FCRL3: variants seen among roughly 807,000 people sequenced by gnomAD.
FCRL3 encodes Fc receptor-like protein 3.
In FCRL3, 89 loss-of-function variants were observed where a neutral mutation model predicts 75.0. The ratio of observed to expected loss-of-function variants is 1.19; its 90% CI spans 1.00 to 1.42. The LOEUF (loss-of-function observed/expected upper bound fraction) is 1.42. Ranked by LOEUF, FCRL3 falls within the 40% of genes most tolerant of loss-of-function variation. FCRL3 has a pLI of 0.00. For synonymous variants in FCRL3, 376 were observed against 348.5 expected, an observed-to-expected ratio of 1.08 and a Z score of -0.88; for missense variants, 946 against 880.0, an observed-to-expected ratio of 1.07 and a Z score of -0.95.
chr1:157,698,028 C>CCCCA, intron 4 of FCRL3, 109 bp from the exon 5 acceptor site: 6 of 1,277,086 alleles, frequency 4.7e-6, no homozygotes, highest in Non-Finnish European at 6.4e-6. Flanking sequence ...CTGCAAATGG[C>CCCCA]CCCCACCCAC....
chr1:157,685,143 C>T (rs537776131), intron 10 of FCRL3, among the ~76,000 whole-genome samples: 226 of 151,796 alleles, frequency 1.5e-3, no homozygotes, highest in African/African-American at 4.8e-3. Context: ...GACTGACAAC[C>T]TCAACACTGA....
In FCRL3 at chr1:157,697,384, C is replaced by A. The variant is rs202180859; in HGVS notation, c.600G>T (p.Thr200=). 1.9e-6 allele frequency: 3 copies of A among 1,566,286 alleles called. No individual in the cohort carries two copies. The highest frequency in any genetic ancestry group is 2.7e-5 in the African/African-American group (2 of 72,872). The change falls in exon 6 of 15, where the codon ACG becomes ACT. Residue 200 remains threonine, a synonymous_variant. Transcript: ENST00000368184. ...LHPVLRASSS[T]PIEGSPMTLT... Reference sequence around the variant, plus strand: ...GGGTCATGGGACTCCCCTCTATGGGCGTGGAAGAGCTGGCTCTCAGCACAG... The same window carrying A: ...GGGTCATGGGACTCCCCTCTATGGGAGTGGAAGAGCTGGCTCTCAGCACAG...
At chr1:157,697,990 G>A (rs1421533706) in intron 4 of FCRL3, 71 bp from the exon 5 acceptor site, 3 of 1,533,736 alleles carry the variant, frequency 2.0e-6, no homozygotes, top group East Asian at 2.4e-5. Flanking sequence ...TTCCACCCAT[G>A]AGGCAAGAGC....
chr1:157,681,082 C>T lies in FCRL3; in HGVS notation c.1856G>A (p.Cys619Tyr), dbSNP rs202002184. ...TGTSSHSPSE[C>Y]QEPSSSRPSR... is the part of the protein sequence containing the mutation. Reference sequence around the variant, plus strand: ...AGGCCTGGACGAGGAAGGCTCCTGACACTCACTAGGACTGTGACTGTGACA... The same window carrying T: ...AGGCCTGGACGAGGAAGGCTCCTGATACTCACTAGGACTGTGACTGTGACA... Residue 619 changes from cysteine (C) to tyrosine (Y), a missense_variant, in exon 12 of 15, where the codon TGT becomes TAT. Coordinates refer to ENST00000368184, the MANE Select transcript of FCRL3 (RefSeq NM_052939.4). 156 of 1,595,628 alleles carry T rather than the reference C, an allele frequency of 9.8e-5. No homozygotes were observed. The highest frequency in any genetic ancestry group is 1.3e-4 in the Non-Finnish European group (153 of 1,173,848).
intron 8 of FCRL3, among the ~76,000 whole-genome samples, chr1:157,690,744 T>G (rs1360083132): frequency 2.0e-5 from 3 of 152,316 alleles, no homozygotes; most frequent in Middle Eastern, 3.4e-3. Flanking sequence ...TTTATTCCTC[T>G]GTAAAACTGA....
rs1313568503 is a variant in FCRL3 at position 157,677,903 on chromosome 1, A to G, written c.*807T>C. On this transcript the variant is annotated 3_prime_UTR_variant, in exon 15 of 15. Transcript: ENST00000368184. ...AGATGGAGTGAGGTAGAGGAAGAGA[A>G]TGGGAGAAGCCACATAGATATAGTA... is the stretch of plus-strand genomic sequence containing the variant. 6.3e-6 allele frequency: 6 copies of G among 953,208 alleles called. No homozygotes were observed. In the African/African-American group the frequency reaches 8.9e-5, roughly 14 times the overall value. 59.0% of individuals were successfully genotyped at this position (953,208 alleles called of 1,614,324 possible).
rs1434999950 is a variant in FCRL3, at chr1:157,677,853, A to G, written c.*857T>C. 2 of 677,818 alleles carry G rather than the reference A, an allele frequency of 3.0e-6. No homozygotes were observed. The highest frequency in any genetic ancestry group is 1.4e-4 in the East Asian group (1 of 7,388). The allele number at this position is 677,818 out of a possible 1,614,324, so 42.0% of individuals were successfully genotyped here. A position where few individuals can be genotyped will look rare whatever the true frequency, so the allele number is the denominator to read the frequency against. On this transcript the variant is annotated 3_prime_UTR_variant, in exon 15 of 15. Coordinates refer to ENST00000368184, the MANE Select transcript of FCRL3 (RefSeq NM_052939.4). Reference sequence around the variant, plus strand: ...ATAGGAGAGCATGGGAATAATGAACATGAGATTTAGAATGGTTTTTTATCA... The same window carrying G: ...ATAGGAGAGCATGGGAATAATGAACGTGAGATTTAGAATGGTTTTTTATCA...
chr1:157,696,371 A>G (rs747096549), intron 6 of FCRL3, 44 bp from the exon 7 acceptor site: 8 of 1,601,942 alleles, frequency 5.0e-6, no homozygotes, highest in Non-Finnish European at 5.1e-6. Context: ...GATGGCAGGG[A>G]CATCAAGGTC....
At chr1:157,683,332 T>G (rs898789291) in intron 10 of FCRL3, 88 bp from the exon 11 acceptor site, 1 of 1,499,210 alleles carries the variant, frequency 6.7e-7, no homozygotes, top group African/African-American at 1.4e-5. Flanking sequence ...AGAAATCAGA[T>G]TCATTCTAGA....
At position 157,689,921 on chromosome 1, in the gene FCRL3, A is replaced by G. The variant is rs1350109762; in HGVS notation, c.1691-4T>C. 1 of 1,613,930 alleles carries G rather than the reference A, an allele frequency of 6.2e-7. No homozygotes were observed. Among genetic ancestry groups the G allele is most frequent in the Non-Finnish European group, 8.5e-7 (1 of 1,179,980 alleles). ...CCTGTTCTGTTCCTGGAAGTTCCTGAGTGGAGGGAGCTGTACTTGAGTTTC... is the reference window on the plus strand; with the variant it reads ...CCTGTTCTGTTCCTGGAAGTTCCTGGGTGGAGGGAGCTGTACTTGAGTTTC... On this transcript the variant is annotated splice_region_variant and splice_polypyrimidine_tract_variant and intron_variant, in intron 9 of 14. Transcript: ENST00000368184.
At chr1:157,679,318 G>A in intron 13 of FCRL3, 1 of 338,056 alleles carries the variant, frequency 3.0e-6, no homozygotes, top group Non-Finnish European at 5.6e-6. Context: ...TAACCCCAGA[G>A]GGGCACCCAC....
In FCRL3 at chr1:157,678,933, G is replaced by A. The variant is rs1654636338; in HGVS notation, c.2058+9C>T. On this transcript the variant is annotated intron_variant, in intron 14 of 14. Transcript: ENST00000368184. The stretch of plus-strand genomic sequence containing the variant: ...CAGAGAGGAAAGAAAGCCAAGAAAT[G>A]TGACTCACCTCATGCTCTTGATGCA... 6.2e-7 allele frequency: 1 copy of A among 1,614,010 alleles called. No individual in the cohort carries two copies. The highest frequency in any genetic ancestry group is 1.3e-5 in the African/African-American group (1 of 74,920).
At chr1:157,690,625 G>A (rs1655467271) in intron 8 of FCRL3, 92 bp from the exon 9 acceptor site, 7 of 1,475,472 alleles carry the variant, frequency 4.7e-6, no homozygotes, top group Non-Finnish European at 6.4e-6. Flanking sequence ...TTGAGTTGCG[G>A]GAACATGCAC....
intron 10 of FCRL3, among the ~76,000 whole-genome samples, chr1:157,687,542 C>G (rs1655249719): frequency 2.1e-5 from 3 of 145,224 alleles, no homozygotes; most frequent in Non-Finnish European, 4.5e-5. Context: ...ATCTAGGTGC[C>G]CACCAGTGGT....
chr1:157,693,777 T>A (rs1655718502), intron 8 of FCRL3, among the ~76,000 whole-genome samples: 1 of 151,404 alleles, frequency 6.6e-6, no homozygotes, highest in Non-Finnish European at 1.5e-5. Context: ...TGACATGGTA[T>A]CACTCTGTTG....
rs528859128 is a variant in FCRL3 at position 157,678,677 on chromosome 1, G to A, written c.*33C>T. 2.4e-5 allele frequency: 38 copies of A among 1,610,764 alleles called. No homozygotes were observed. The African/African-American group carries it at 3.6e-4, about 15-fold the overall frequency. Reference sequence around the variant, plus strand: ...AGAGAACAGAAAAAAAAATGGTGCAGGCTGTTTCCTGTGGGCCACTCTGGG... The same window carrying A: ...AGAGAACAGAAAAAAAAATGGTGCAAGCTGTTTCCTGTGGGCCACTCTGGG... On this transcript the variant is annotated 3_prime_UTR_variant, in exon 15 of 15. Transcript: ENST00000368184.
chr1:157,700,716 G>A lies in FCRL3; in HGVS notation c.-151C>T, dbSNP rs917172339. On this transcript the variant is annotated 5_prime_UTR_variant, in exon 1 of 15. The change creates a premature stop within an existing upstream ORF in the 5' untranslated region. Coordinates refer to ENST00000368184, the MANE Select transcript of FCRL3 (RefSeq NM_052939.4). Reference sequence around the variant, plus strand: ...CGGTAGTGATACATTTTTAGAAGTTGGGGCTCATCTTCCATCAGCTGCAGT... The same window carrying A: ...CGGTAGTGATACATTTTTAGAAGTTAGGGCTCATCTTCCATCAGCTGCAGT... 17 of 1,419,856 alleles carry A rather than the reference G, an allele frequency of 1.2e-5. No individual in the cohort carries two copies. The African/African-American group carries it at 2.5e-4, about 21-fold the overall frequency. 88.0% of individuals were successfully genotyped at this position (1,419,856 alleles called of 1,614,324 possible). A position where few individuals can be genotyped will look rare whatever the true frequency, so the allele number is the denominator to read the frequency against.
chr1:157,699,798 T>C (rs369665938), intron 2 of FCRL3, 86 bp from the exon 3 acceptor site: 11 of 1,443,044 alleles, frequency 7.6e-6, no homozygotes, highest in Non-Finnish European at 9.6e-6. Context: ...TGTTTTTCCT[T>C]ATCATTTCTT....
chr1:157,678,951 T>C lies in FCRL3; in HGVS notation c.2049A>G (p.Gln683=). 1.2e-6 allele frequency: 2 copies of C among 1,614,176 alleles called. No individual in the cohort carries two copies. The change falls in exon 14 of 15, where the codon CAA becomes CAG. Residue 683 remains glutamine (Q), a synonymous_variant. Coordinates refer to ENST00000368184, the MANE Select transcript of FCRL3 (RefSeq NM_052939.4). The part of the protein sequence containing the change: ...ENSANCPMMH[Q]EHEELTVLYS... ...AAGAAATGTGACTCACCTCATGCTC[T>C]TGATGCATCATTGGACAATTAGCTG...
Sources: gnomAD v4.1 joint callset for allele counts (sites outside exome capture counted in the v4.1 genomes callset) on GRCh38, gnomAD v4.1.1 for gene constraint, MANE v1.5 for transcripts, NCBI Gene and HGNC (gene_info 2026-07-23, HGNC 2026-07-21) for gene names.